AHRR: variants seen among roughly 807,000 people sequenced by gnomAD.
AHRR encodes ahR repressor.
In AHRR, 28 loss-of-function variants were observed where a neutral mutation model predicts 44.0. The ratio of observed to expected loss-of-function variants is 0.64; its 90% CI spans 0.47 to 0.87. AHRR has a LOEUF of 0.87. Ranked by LOEUF, AHRR falls within the 40% of genes least tolerant of loss-of-function variation. AHRR has a pLI of 0.00. For missense variants in AHRR, 990 were observed against 953.9 expected (o/e 1.04, Z -0.50); for synonymous variants, 434 against 407.0 (o/e 1.07, Z -0.80).
chr5:432,391 C>T, intron 8 of AHRR, 72 bp from the exon 9 acceptor site: 1 of 1,456,920 alleles, frequency 6.9e-7, no homozygotes, highest in Non-Finnish European at 9.6e-7. Flanking sequence ...TTTCTACCAT[C>T]AAAACATGTT....
At position 411,867 on chromosome 5, in the gene AHRR, C is replaced by A. The variant is rs536885734; in HGVS notation, c.352-1477C>A. Among the ~76,000 whole-genome samples the A allele has an allele frequency of 4.5e-4, 69 of 152,180 alleles. No homozygotes were observed. Among genetic ancestry groups the A allele is most frequent in the Non-Finnish European group, 9.1e-4 (62 of 68,030 alleles). On this transcript the variant is annotated intron_variant, in intron 4 of 10. Transcript: ENST00000684583. This position sits in a 1 kb window ranked among gnomAD's most constrained non-coding sequence, Gnocchi z 4.2. ...GTGTCCAGGTGACTCAGCCCCCTCA[C>A]CCCCAGCTTCTACCTCGTGTGGGAT...
intron 4 of AHRR, among the ~76,000 whole-genome samples, chr5:389,198 C>T (rs1242687289): frequency 6.9e-4 from 6 of 8,742 alleles, no homozygotes; most frequent in East Asian, 2.2e-3. Flanking sequence ...GTGTCGAAGG[C>T]GGGGGTGAGG....
At chr5:377,716 T>C (rs1365592722) in intron 4 of AHRR, among the ~76,000 whole-genome samples, 3 of 152,200 alleles carry the variant, frequency 2.0e-5, no homozygotes, top group African/African-American at 7.2e-5. Context: ...TCCCCGCTAG[T>C]GAATGGGTCC....
At chr5:433,303 C>T (rs1311946665) in intron 10 of AHRR, among the ~76,000 whole-genome samples, 1 of 152,146 alleles carries the variant, frequency 6.6e-6, no homozygotes, top group Non-Finnish European at 1.5e-5. Flanking sequence ...CCTCTCCCTC[C>T]CCAGGGCCTG....
intron 4 of AHRR, among the ~76,000 whole-genome samples, chr5:390,649 G>T (rs545189471): frequency 7.0e-4 from 106 of 152,246 alleles, no homozygotes; most frequent in African/African-American, 2.4e-3. Context: ...CGGAGGGCAG[G>T]GAGTCTTCAA....
rs370475780 is a variant in AHRR, at chr5:353,742, G to A, written c.75G>A (p.Val25=). The A allele has an allele frequency of 1.9e-6, 3 of 1,610,340 alleles. No individual in the cohort carries two copies. The highest frequency in any genetic ancestry group is 1.7e-5 in the Admixed American group (1 of 59,802). The change falls in exon 3 of 11, where the codon GTG becomes GTA. Residue 25 remains valine, a synonymous_variant. Coordinates refer to ENST00000684583, the MANE Select transcript of AHRR (RefSeq NM_001377236.1). ...CATCTCCCCACAGGAGGCCCGCCGT[G>A]GGGGCAGAGAAGTCCAACCCCTCCA... ...RRPLQKQRPA[V]GAEKSNPSKR... is the part of the protein sequence containing the mutation.
chr5:360,213 A>AC (rs978642067), intron 3 of AHRR, among the ~76,000 whole-genome samples: 3 of 151,920 alleles, frequency 2.0e-5, no homozygotes, highest in Admixed American at 1.3e-4. Context: ...TGTGCTGAAC[A>AC]CCCCCCAAAG....
At chr5:361,680 G>A (rs776272816) in intron 3 of AHRR, among the ~76,000 whole-genome samples, 3 of 152,182 alleles carry the variant, frequency 2.0e-5, no homozygotes, top group South Asian at 2.1e-4. Flanking sequence ...CTTGGGACCC[G>A]TCTCCCCTCT....
intron 1 of AHRR, among the ~76,000 whole-genome samples, chr5:333,256 T>C (rs899764692): frequency 6.6e-6 from 1 of 152,170 alleles, no homozygotes; most frequent in African/African-American, 2.4e-5. Context: ...CAGCATATAG[T>C]TGAATCATGC....
intron 4 of AHRR, 54 bp downstream of exon 4, chr5:376,770 G>C (rs146357233): frequency 6.9e-7 from 1 of 1,455,042 alleles, no homozygotes; most frequent in Non-Finnish European, 9.4e-7. Context: ...TCCGTGTCAC[G>C]CGTGTTCAGG....
intron 3 of AHRR, among the ~76,000 whole-genome samples, chr5:366,561 G>T (rs535180249): frequency 5.3e-5 from 8 of 152,300 alleles, no homozygotes; most frequent in Non-Finnish European, 1.2e-4. Flanking sequence ...CATAATTCAG[G>T]CAAGAAATAT....
At chr5:386,338 T>C (rs1456697004) in intron 4 of AHRR, among the ~76,000 whole-genome samples, 1 of 152,270 alleles carries the variant, frequency 6.6e-6, no homozygotes, top group Non-Finnish European at 1.5e-5. Flanking sequence ...TCCCAGAGTC[T>C]GTGAATATGT....
chr5:399,178 A>G (rs1309408165), intron 4 of AHRR, among the ~76,000 whole-genome samples: 1 of 152,182 alleles, frequency 6.6e-6, no homozygotes, highest in Admixed American at 6.5e-5. Context: ...CTCTAGCCCC[A>G]GGGTCTCTGA....
chr5:420,745 C>T (rs1205788959), intron 5 of AHRR, among the ~76,000 whole-genome samples: 1 of 148,958 alleles, frequency 6.7e-6, no homozygotes, highest in African/African-American at 2.5e-5. Flanking sequence ...GGCAAGGCAG[C>T]TGGACGGCTC....
intron 3 of AHRR, among the ~76,000 whole-genome samples, chr5:369,634 C>T (rs775843871): frequency 1.3e-5 from 2 of 152,218 alleles, no homozygotes; most frequent in East Asian, 1.9e-4. Context: ...GCTTGTCCCA[C>T]GCTCTGGCAC....
At chr5:344,091 G>A (rs879384949) in intron 2 of AHRR, 127 bp downstream of exon 2, 318 of 1,035,462 alleles carry the variant, frequency 3.1e-4, no homozygotes, top group Non-Finnish European at 3.8e-4. Flanking sequence ...CGGGCGGGCC[G>A]GGGCTGAGCT....
At chr5:379,068 G>A (rs912589837) in intron 4 of AHRR, among the ~76,000 whole-genome samples, 2 of 152,138 alleles carry the variant, frequency 1.3e-5, no homozygotes, top group Non-Finnish European at 2.9e-5. Flanking sequence ...CCCCAGCCAC[G>A]GCCGATGTGT....
At position 411,921 on chromosome 5, in the gene AHRR, T is replaced by C. The variant is rs1735480747; in HGVS notation, c.352-1423T>C. Reference sequence around the variant, plus strand: ...AGACTGGGCGAGATATTCCACCTGGTAGCCTGTGCTTGCTCAGCGTCAGTG... The same window carrying C: ...AGACTGGGCGAGATATTCCACCTGGCAGCCTGTGCTTGCTCAGCGTCAGTG... On this transcript the variant is annotated intron_variant, in intron 4 of 10. Transcript: ENST00000684583. This position sits in a 1 kb window ranked among gnomAD's most constrained non-coding sequence, Gnocchi z 4.2. Among the ~76,000 whole-genome samples, 1 of 152,212 alleles carries C rather than the reference T, an allele frequency of 6.6e-6. No individual in the cohort carries two copies. Among genetic ancestry groups the C allele is most frequent in the Admixed American group, 6.5e-5 (1 of 15,286 alleles).
intron 3 of AHRR, 54 bp from the exon 4 acceptor site, chr5:376,556 G>GGAGA: frequency 7.0e-7 from 1 of 1,434,910 alleles, no homozygotes. Flanking sequence ...GAATGAAGAA[G>GGAGA]AGTGGCCAGG....
Sources: gnomAD v4.1 joint callset for allele counts (sites outside exome capture counted in the v4.1 genomes callset) on GRCh38, gnomAD v4.1.1 for gene constraint, Gnocchi (gnomAD v3.1) non-coding constraint, MANE v1.5 for transcripts, NCBI Gene and HGNC (gene_info 2026-07-23, HGNC 2026-07-21) for gene names.